Variants in UBAP1 observed in about 807,000 individuals in gnomAD.
UBAP1 encodes ubiquitin associated protein 1.
A neutral mutation model predicts 39.0 loss-of-function variants in UBAP1; 5 were observed. The ratio of observed to expected loss-of-function variants is 0.13; its 90% confidence interval spans 0.07 to 0.27. The LOEUF is 0.27. Among genes scored for constraint, UBAP1 ranks in the 10% least tolerant of loss-of-function variants. The probability of loss-of-function intolerance (pLI) is 1.00; values close to 1 mark genes in which losing one functional copy is unlikely to be tolerated. For missense variants in UBAP1, 490 were observed against 608.1 expected (o/e 0.81, Z 2.04); for synonymous variants, 211 against 225.1 (o/e 0.94, Z 0.56).
At chr9:34,192,038 T>G (rs1830754395) in intron 1 of UBAP1, among the ~76,000 whole-genome samples, 1 of 151,438 alleles carries the variant, frequency 6.6e-6, no homozygotes, top group Admixed American at 6.6e-5. Context: ...GTGATGGGGT[T>G]TTGCTGTGTT....
intron 1 of UBAP1, among the ~76,000 whole-genome samples, chr9:34,200,354 T>A (rs1328031732): frequency 9.2e-5 from 14 of 152,230 alleles, no homozygotes; most frequent in Admixed American, 9.2e-4. Context: ...CTCCAGAGAA[T>A]AGGGCTTGTT....
intron 1 of UBAP1, among the ~76,000 whole-genome samples, chr9:34,205,642 G>C (rs1250490895): frequency 6.6e-6 from 1 of 152,158 alleles, no homozygotes; most frequent in Non-Finnish European, 1.5e-5. Context: ...AGAGCTAAGG[G>C]AAATCTTTGT....
chr9:34,179,006 G>T, upstream of UBAP1: 1 of 1,253,260 alleles, frequency 8.0e-7, no homozygotes, highest in Non-Finnish European at 1.0e-6. Context: ...CATGACGTCA[G>T]ACGCCCAAAT....
At chr9:34,236,742 C>T (rs890374386) in intron 3 of UBAP1, among the ~76,000 whole-genome samples, 1 of 151,916 alleles carries the variant, frequency 6.6e-6, no homozygotes, top group South Asian at 2.1e-4. Flanking sequence ...CTTCTGCTTG[C>T]GGTGTTTTCC....
intron 1 of UBAP1, among the ~76,000 whole-genome samples, chr9:34,208,012 A>G (rs1352697389): frequency 6.6e-6 from 1 of 152,192 alleles, no homozygotes; most frequent in Admixed American, 6.6e-5. Flanking sequence ...TAGTCTCCCC[A>G]CTAGTCAGCA....
At position 34,251,476 on chromosome 9, in the gene UBAP1, A is replaced by G. The variant is rs556099212; in HGVS notation, c.1453A>G (p.Asn485Asp). 297 of 1,614,168 alleles carry G rather than the reference A, an allele frequency of 1.8e-4. 1 individual carries two copies. In the South Asian group the frequency reaches 3.2e-3, roughly 17 times the overall value. ...CATTAAGGAAGTTTTGCTATTACAC[A>G]ACAATGACCAGGACAATGCTTTGGA... ...KDIKEVLLLH[N>D]NDQDNALEDL... Residue 485 changes from asparagine (N) to aspartate (D), a missense_variant, in exon 7 of 7, where the codon AAC (asparagine) becomes GAC (aspartate). Transcript: ENST00000297661.
chr9:34,236,922 A>T (rs534451718), intron 3 of UBAP1, among the ~76,000 whole-genome samples: 1 of 151,976 alleles, frequency 6.6e-6, no homozygotes, highest in East Asian at 1.9e-4. Flanking sequence ...GTTCCCTCCA[A>T]ACCACGTTAC....
At chr9:34,186,440 A>G (rs1190145715) in intron 1 of UBAP1, among the ~76,000 whole-genome samples, 1 of 152,168 alleles carries the variant, frequency 6.6e-6, no homozygotes, top group East Asian at 1.9e-4. Flanking sequence ...GAGTCACTGA[A>G]TTGGCTCATG....
At chr9:34,185,091 C>A (rs1160849195) in intron 1 of UBAP1, among the ~76,000 whole-genome samples, 1 of 151,926 alleles carries the variant, frequency 6.6e-6, no homozygotes. Context: ...CCTGCCACCA[C>A]GCCTGCTAAT....
chr9:34,181,625 G>A (rs1235609449), intron 1 of UBAP1, among the ~76,000 whole-genome samples: 2 of 147,882 alleles, frequency 1.4e-5, no homozygotes, highest in African/African-American at 5.1e-5. Flanking sequence ...GTAGAGACGG[G>A]GTTTCACTGG....
chr9:34,182,108 A>G (rs1447802806), intron 1 of UBAP1, among the ~76,000 whole-genome samples: 2 of 150,146 alleles, frequency 1.3e-5, no homozygotes, highest in Non-Finnish European at 2.9e-5. Flanking sequence ...TGACTGGTGA[A>G]TGTCACATTA....
chr9:34,235,562 A>G (rs1833655050), intron 3 of UBAP1, among the ~76,000 whole-genome samples: 1 of 152,078 alleles, frequency 6.6e-6, no homozygotes, highest in South Asian at 2.1e-4. Context: ...GATGGTCTCA[A>G]TCTCCTGACC....
At chr9:34,183,547 C>T (rs990601493) in intron 1 of UBAP1, among the ~76,000 whole-genome samples, 47 of 139,292 alleles carry the variant, frequency 3.4e-4, no homozygotes, top group Non-Finnish European at 4.9e-4. Flanking sequence ...AGCGAGACTC[C>T]GTCTCAAAAA....
intron 1 of UBAP1, among the ~76,000 whole-genome samples, chr9:34,219,007 C>G (rs1223393748): frequency 1.3e-5 from 2 of 152,088 alleles, no homozygotes; most frequent in African/African-American, 4.8e-5. Context: ...ATAATACATA[C>G]ACTTTATAAA....
At chr9:34,231,107 A>G (rs1302996354) in intron 2 of UBAP1, among the ~76,000 whole-genome samples, 5 of 143,088 alleles carry the variant, frequency 3.5e-5, no homozygotes, top group East Asian at 4.0e-4. Flanking sequence ...AGCCTGGGCA[A>G]ATGTCTCTTT....
rs7045443 is a variant in UBAP1 at position 34,228,184 on chromosome 9, C to T, written c.35-6032C>T. On this transcript the variant is annotated intron_variant, in intron 2 of 6. Transcript: ENST00000297661. The stretch of plus-strand genomic sequence containing the variant: ...CTTTAATCCCAGCACTTTGGGAGGC[C>T]GAGGTGGGCGGATCATGAGGTAAGG... Among the ~76,000 whole-genome samples, 502 of 151,670 alleles carry T rather than the reference C, an allele frequency of 3.3e-3. 3 individuals carry two copies. The highest frequency in any genetic ancestry group is 0.011 in the African/African-American group (440 of 41,370).
intron 1 of UBAP1, among the ~76,000 whole-genome samples, chr9:34,190,802 CTTTTTTTT>C (rs373942127): frequency 8.6e-6 from 1 of 116,648 alleles, no homozygotes; most frequent in Non-Finnish European, 1.7e-5. Context: ...ATGCCTGGCT[CTTTTTTTT>C]TTTTTTTTTG....
chr9:34,207,054 T>C (rs1164531517), intron 1 of UBAP1, among the ~76,000 whole-genome samples: 4 of 143,284 alleles, frequency 2.8e-5, no homozygotes, highest in Non-Finnish European at 6.1e-5. Context: ...ATTTCTTTTT[T>C]TTTTTTTTTT....
intron 1 of UBAP1, among the ~76,000 whole-genome samples, chr9:34,196,840 T>G (rs1831088001): frequency 6.6e-6 from 1 of 152,098 alleles, no homozygotes; most frequent in Non-Finnish European, 1.5e-5. Flanking sequence ...GATTTGCTTT[T>G]TATTATTTGT....
Sources: gnomAD v4.1 joint callset for allele counts (sites outside exome capture counted in the v4.1 genomes callset) on GRCh38, gnomAD v4.1.1 for gene constraint, MANE v1.5 for transcripts, NCBI Gene and HGNC (gene_info 2026-07-23, HGNC 2026-07-21) for gene names.